Variants in HSPA4 observed in about 807,000 individuals in gnomAD.
The protein encoded by HSPA4 is heat shock protein family A (Hsp70) member 4, also known as heat shock 70 kDa protein 4.
HSPA4 carries 25 observed loss-of-function variants against 106.2 expected under a neutral mutation model. The ratio of observed to expected loss-of-function variants is 0.24; its 90% CI spans 0.17 to 0.33. HSPA4 has a LOEUF of 0.33. HSPA4 is among the 10% of genes least tolerant of loss of function. The probability of loss-of-function intolerance (pLI) is 1.00; values close to 1 mark genes in which losing one functional copy is unlikely to be tolerated. For missense variants in HSPA4, 841 were observed against 996.0 expected (o/e 0.84, Z 2.10); for synonymous variants, 332 against 333.6 (o/e 1.00, Z 0.05).
chr5:133,095,052 C>T (rs1431416645), intron 13 of HSPA4, among the ~76,000 whole-genome samples: 1 of 152,162 alleles, frequency 6.6e-6, no homozygotes, highest in Non-Finnish European at 1.5e-5. Context: ...TGGCTCACAC[C>T]TGTAATCCAG....
intron 1 of HSPA4, among the ~76,000 whole-genome samples, chr5:133,053,318 G>T (rs1024895148): frequency 6.8e-6 from 1 of 146,852 alleles, no homozygotes; most frequent in Non-Finnish European, 1.5e-5. Flanking sequence ...TGCCATTCAG[G>T]GTCTCTCTTC....
chr5:133,095,799 A>G (rs1005054705), intron 13 of HSPA4, among the ~76,000 whole-genome samples: 6 of 152,248 alleles, frequency 3.9e-5, no homozygotes, highest in African/African-American at 1.4e-4. Flanking sequence ...ACCAATCTTC[A>G]GAACTTCATC....
intron 6 of HSPA4, among the ~76,000 whole-genome samples, chr5:133,074,405 A>G (rs922255910): frequency 9.3e-5 from 14 of 151,350 alleles, no homozygotes; most frequent in African/African-American, 1.5e-4. Flanking sequence ...CAGCCTCCCT[A>G]GTAGCTGGGA....
At position 133,103,845 on chromosome 5, in the gene HSPA4, T is replaced by G; in HGVS notation, c.2158-20T>G. 1 of 1,606,634 alleles carries G rather than the reference T, an allele frequency of 6.2e-7. No individual in the cohort carries two copies. The highest frequency in any genetic ancestry group is 2.2e-5 in the East Asian group (1 of 44,760). On this transcript the variant is annotated intron_variant, in intron 17 of 18. Coordinates refer to ENST00000304858, the MANE Select transcript of HSPA4 (RefSeq NM_002154.4). ...GGGTATCACACTTTTAGCACTTGTT[T>G]GACTGTCTCCTGGTTGCAGGAGGAC...
chr5:133,092,754 C>G lies in HSPA4; in HGVS notation c.1615C>G (p.Pro539Ala). 6.2e-7 allele frequency: 1 copy of G among 1,610,170 alleles called. No individual in the cohort carries two copies. Among genetic ancestry groups the G allele is most frequent in the Admixed American group, 1.7e-5 (1 of 59,714 alleles). ...PHVEEQQQQT[P>A]AENKAESEEM... ...TGTTGAAGAGCAACAGCAGCAGACA[C>G]CAGCAGAAAATAAGGCAGAGTCTGA... Residue 539 changes from proline to alanine, a missense_variant, in exon 13 of 19, where the codon CCA becomes GCA. By Grantham distance (27) the Pro-to-Ala change is conservative. Coordinates refer to ENST00000304858, the MANE Select transcript of HSPA4 (RefSeq NM_002154.4).
chr5:133,058,016 G>T (rs1177156054), intron 1 of HSPA4, among the ~76,000 whole-genome samples: 1 of 152,194 alleles, frequency 6.6e-6, no homozygotes, highest in East Asian at 1.9e-4. Flanking sequence ...GATGAGGAAA[G>T]GCTGGAGTGA....
At chr5:133,090,410 G>A (rs993098780) in intron 11 of HSPA4, among the ~76,000 whole-genome samples, 24 of 117,940 alleles carry the variant, frequency 2.0e-4, no homozygotes, top group African/African-American at 7.6e-4. Flanking sequence ...CAGCCTAGGC[G>A]ACAGAGCGAG....
chr5:133,090,062 A>C (rs1765626145), intron 11 of HSPA4, among the ~76,000 whole-genome samples: 1 of 152,130 alleles, frequency 6.6e-6, no homozygotes, highest in Non-Finnish European at 1.5e-5. Context: ...TGTAATTATA[A>C]CTTATGTATA....
intron 13 of HSPA4, among the ~76,000 whole-genome samples, chr5:133,095,868 C>T (rs1765705435): frequency 2.0e-5 from 3 of 152,124 alleles, no homozygotes; most frequent in Non-Finnish European, 4.4e-5. Flanking sequence ...CTCCCCCATC[C>T]CCTGACAGCC....
At position 133,106,127 on chromosome 5, in the gene HSPA4, TTTTTTTTTTTTTTG is replaced by T. The variant is rs1765857763; in HGVS notation, c.*1692_*1705del. 8.9e-5 allele frequency: 6 copies of T among 67,112 alleles called. No individual in the cohort carries two copies. The highest frequency in any genetic ancestry group is 3.6e-4 in the Admixed American group (3 of 8,390). 4.2% of individuals were successfully genotyped at this position (67,112 alleles called of 1,614,324 possible). Reference sequence around the variant, plus strand: ...ATTTTTTTTTTTTTTTTTTTTTTTTTTTTTTTTTTTTTTGGTGTGTGTGTGTGTGTGTGTGGGGA... The same window carrying T: ...ATTTTTTTTTTTTTTTTTTTTTTTTTGTGTGTGTGTGTGTGTGTGTGGGGA... On this transcript the variant is annotated 3_prime_UTR_variant, in exon 19 of 19. Transcript: ENST00000304858.
chr5:133,058,394 G>A (rs1021703364), intron 1 of HSPA4, among the ~76,000 whole-genome samples: 1 of 151,984 alleles, frequency 6.6e-6, no homozygotes, highest in Non-Finnish European at 1.5e-5. Context: ...AAAACATAAC[G>A]GGGCTGGGCA....
chr5:133,092,985 A>ATTTTTTTTTTTT (rs537301370), intron 13 of HSPA4, among the ~76,000 whole-genome samples, 196 bp downstream of exon 13: 1 of 132,024 alleles, frequency 7.6e-6, no homozygotes, highest in Non-Finnish European at 1.6e-5. Flanking sequence ...CACGGCAGCT[A>ATTTTTTTTTTTT]TTTTTTTTTT....
intron 6 of HSPA4, among the ~76,000 whole-genome samples, 166 bp from the exon 7 acceptor site, chr5:133,076,488 A>G (rs544805085): frequency 2.7e-4 from 41 of 152,318 alleles, no homozygotes; most frequent in Admixed American, 2.5e-3. Flanking sequence ...GCCTATTTTT[A>G]CAGTGTGGGG....
At chr5:133,087,774 C>T (rs1765597240) in intron 8 of HSPA4, among the ~76,000 whole-genome samples, 1 of 152,194 alleles carries the variant, frequency 6.6e-6, no homozygotes, top group African/African-American at 2.4e-5. Context: ...CAGGCATGCG[C>T]CACTACTTCT....
intron 6 of HSPA4, among the ~76,000 whole-genome samples, chr5:133,075,757 A>T (rs150611301): frequency 3.3e-5 from 5 of 152,044 alleles, no homozygotes; most frequent in African/African-American, 7.2e-5. Flanking sequence ...TTGAGCCTGG[A>T]TGGTCGAGGC....
chr5:133,104,404 G>A lies in HSPA4; in HGVS notation c.2491G>A (p.Asp831Asn), dbSNP rs144576995. The A allele has an allele frequency of 1.3e-5, 21 of 1,614,068 alleles. No homozygotes were observed. The African/African-American group carries it at 2.4e-4, about 18-fold the overall frequency. ...AGACACAGCTGTGCCTTCGGATTCA[G>A]ACAAGAAGCTTCCTGAAATGGACAT... The part of the protein sequence containing the change: ...GTDTAVPSDS[D>N]KKLPEMDID Residue 831 changes from aspartate to asparagine, a missense_variant, in exon 19 of 19, where the codon GAC becomes AAC. Physicochemically the swap from Asp to Asn is conservative, Grantham distance 23. Around this residue, in one of 5 missense-constraint regions of HSPA4, gnomAD observed 328 missense variants for 372.2 expected, o/e 0.88. Coordinates refer to ENST00000304858, the MANE Select transcript of HSPA4 (RefSeq NM_002154.4).
chr5:133,070,188 A>AATG (rs1765363251), intron 3 of HSPA4, among the ~76,000 whole-genome samples, 186 bp from the exon 4 acceptor site: 1 of 152,014 alleles, frequency 6.6e-6, no homozygotes, highest in Non-Finnish European at 1.5e-5. Context: ...TAATAATAAT[A>AATG]ATAAAAAAAG....
intron 1 of HSPA4, chr5:133,052,703 GGCCCAGGTCGTACT>G (rs1765097118): frequency 8.2e-6 from 2 of 242,542 alleles, no homozygotes; most frequent in African/African-American, 2.2e-5. Flanking sequence ...GCAGAGACCA[GGCCCAGGTCGTACT>G]GAGTCTTTTG....
intron 3 of HSPA4, 117 bp from the exon 4 acceptor site, chr5:133,070,257 C>A: frequency 2.3e-5 from 20 of 876,870 alleles, no homozygotes; most frequent in Non-Finnish European, 2.7e-5. Flanking sequence ...TTTTTTCAAT[C>A]CCCTCTTGAG....
Sources: allele counts gnomAD v4.1 joint callset (sites outside exome capture counted in the v4.1 genomes callset), GRCh38; gene constraint gnomAD v4.1.1; regional missense constraint gnomAD v4.1.1; transcripts MANE v1.5; gene names NCBI Gene and HGNC (gene_info 2026-07-23, HGNC 2026-07-21).